The following KIAA0825 variants were observed in gnomAD, a reference collection of about 807,000 sequenced individuals.
KIAA0825 encodes the protein KIAA0825.
In KIAA0825, 119 loss-of-function variants were observed where a neutral mutation model predicts 147.6. The ratio of observed to expected loss-of-function variants is 0.81; its 90% CI spans 0.69 to 0.94. The LOEUF (loss-of-function observed/expected upper bound fraction) is 0.94, where lower values mean the gene tolerates loss of function less well. KIAA0825 is among the 40% of genes least tolerant of loss of function. KIAA0825 has a pLI of 0.00. For missense variants in KIAA0825, 1,381 were observed against 1,472.7 expected (o/e 0.94, Z 1.02); for synonymous variants, 470 against 518.1 (o/e 0.91, Z 1.26).
intron 20 of KIAA0825, among the ~76,000 whole-genome samples, chr5:94,310,052 T>C (rs1779020980): frequency 6.6e-6 from 1 of 151,782 alleles, no homozygotes; most frequent in Non-Finnish European, 1.5e-5. Flanking sequence ...ATTGTAAGGA[T>C]CTTTTTAATT....
chr5:94,338,488 T>C (rs1187838330), intron 20 of KIAA0825, among the ~76,000 whole-genome samples: 1 of 152,154 alleles, frequency 6.6e-6, no homozygotes, highest in Non-Finnish European at 1.5e-5. Context: ...CACATAATGG[T>C]ATTTCAGTCA....
rs1401165789 is a variant in KIAA0825, at chr5:94,453,055, C to T, written c.2261G>A (p.Gly754Asp). The change falls in exon 13 of 21, where the codon GGC (glycine) becomes GAC (aspartate). Residue 754 changes from glycine (G) to aspartate (D), a missense_variant. Gly to Asp is a moderately conservative substitution (Grantham distance 94, BLOSUM62 -1). Transcript: ENST00000682413. Reference protein sequence around the residue: ...LTELYKTFQHGLDESASDSLK... With the variant: ...LTELYKTFQHDLDESASDSLK... Reference sequence around the variant, plus strand: ...GGAATCTGAAGCAGACTCATCCAGGCCATGCTGAAAAGTCCTAGGGAAATA... The same window carrying T: ...GGAATCTGAAGCAGACTCATCCAGGTCATGCTGAAAAGTCCTAGGGAAATA... The T allele has an allele frequency of 2.6e-6, 4 of 1,516,104 alleles. No individual in the cohort carries two copies. The highest frequency in any genetic ancestry group is 3.5e-6 in the Non-Finnish European group (4 of 1,132,328). The allele number at this position is 1,516,104 out of a possible 1,614,324, so 93.9% of individuals were successfully genotyped here. A position where few individuals can be genotyped will look rare whatever the true frequency, so the allele number is the denominator to read the frequency against.
chr5:94,402,850 C>T (rs1457766338), intron 16 of KIAA0825, among the ~76,000 whole-genome samples: 2 of 150,922 alleles, frequency 1.3e-5, no homozygotes, highest in African/African-American at 2.5e-5. Flanking sequence ...AAAAGATTCA[C>T]GAATACAGGT....
In KIAA0825 at chr5:94,229,736, A is replaced by G. The variant is rs1013992082; in HGVS notation, c.3711-75612T>C. 1.6e-4 allele frequency among the ~76,000 whole-genome samples: 24 copies of G among 152,040 alleles called. No individual in the cohort carries two copies. The East Asian group carries it at 4.4e-3, about 28-fold the overall frequency. On this transcript the variant is annotated intron_variant, in intron 20 of 20. Transcript: ENST00000682413. Reference sequence around the variant, plus strand: ...ATATTTTAATTTCTTGTTTTCTTATAGGTCATTTTTTATTAGTGCCTTGTT... The same window carrying G: ...ATATTTTAATTTCTTGTTTTCTTATGGGTCATTTTTTATTAGTGCCTTGTT...
At chr5:94,593,931 T>G (rs1301101232) in intron 1 of KIAA0825, 1 of 444,332 alleles carries the variant, frequency 2.3e-6, no homozygotes. Context: ...ATTGAAGCAG[T>G]TTTACCACAG....
chr5:94,555,774 T>C (rs1776419163), intron 2 of KIAA0825, among the ~76,000 whole-genome samples: 1 of 152,182 alleles, frequency 6.6e-6, no homozygotes, highest in African/African-American at 2.4e-5. Flanking sequence ...ACCAAGATAA[T>C]ATAAATTTTA....
At chr5:94,571,942 G>T (rs1446556596) in intron 2 of KIAA0825, among the ~76,000 whole-genome samples, 1 of 152,058 alleles carries the variant, frequency 6.6e-6, no homozygotes, top group African/African-American at 2.4e-5. Flanking sequence ...CCTTTTTAGT[G>T]GCCGGGCACA....
At position 94,461,423 on chromosome 5, in the gene KIAA0825, G is replaced by A. The variant is rs1016312513; in HGVS notation, c.2246+964C>T. ...TGGGCTTCAGACTTGAGCTTTTTAC[G>A]ATTATGAACGATTATGTACATAGTA... On this transcript the variant is annotated intron_variant, in intron 12 of 20. Coordinates refer to ENST00000682413, the MANE Select transcript of KIAA0825 (RefSeq NM_001145678.3). Among the ~76,000 whole-genome samples, 9 of 151,898 alleles carry A rather than the reference G, an allele frequency of 5.9e-5. No homozygotes were observed. The South Asian group carries it at 8.3e-4, about 14-fold the overall frequency.
At chr5:94,383,058 T>C (rs1748632856) in intron 20 of KIAA0825, among the ~76,000 whole-genome samples, 1 of 152,222 alleles carries the variant, frequency 6.6e-6, no homozygotes, top group Non-Finnish European at 1.5e-5. Context: ...GGCCCTGGCC[T>C]CTCCTCCACC....
chr5:94,202,705 C>T (rs980762407), intron 20 of KIAA0825, among the ~76,000 whole-genome samples: 1 of 152,168 alleles, frequency 6.6e-6, no homozygotes, highest in African/African-American at 2.4e-5. Flanking sequence ...GGGAAAGAGC[C>T]TCATCCCTAT....
At chr5:94,196,551 G>C (rs569520119) in intron 20 of KIAA0825, among the ~76,000 whole-genome samples, 3 of 151,814 alleles carry the variant, frequency 2.0e-5, no homozygotes, top group African/African-American at 7.3e-5. Flanking sequence ...TTGATGTACA[G>C]ATTATTTTAT....
intron 20 of KIAA0825, among the ~76,000 whole-genome samples, chr5:94,290,410 T>G (rs770765008): frequency 3.6e-4 from 55 of 152,176 alleles, no homozygotes; most frequent in Non-Finnish European, 6.8e-4. Context: ...CTGTGTTAGT[T>G]TGCTGAGAAT....
intron 20 of KIAA0825, among the ~76,000 whole-genome samples, chr5:94,169,304 G>C (rs1768361963): frequency 6.6e-6 from 1 of 152,186 alleles, no homozygotes; most frequent in African/African-American, 2.4e-5. Flanking sequence ...AAAACTGGCA[G>C]GGTGCAATGG....
At chr5:94,617,612 G>T (rs1790897995) in intron 1 of KIAA0825, among the ~76,000 whole-genome samples, 2 of 152,130 alleles carry the variant, frequency 1.3e-5, no homozygotes, top group African/African-American at 4.8e-5. Flanking sequence ...CTTTTACGGG[G>T]GTTGGTGGGG....
chr5:94,463,574 CACACAT>C (rs1444724986), intron 11 of KIAA0825, among the ~76,000 whole-genome samples: 2 of 151,088 alleles, frequency 1.3e-5, no homozygotes, highest in Non-Finnish European at 3.0e-5. Context: ...TATGGAGAGA[CACACAT>C]ACACAATCTG....
intron 5 of KIAA0825, 160 bp downstream of exon 5, chr5:94,520,087 AG>A: frequency 8.7e-7 from 1 of 1,153,352 alleles, no homozygotes; most frequent in Non-Finnish European, 1.1e-6. Flanking sequence ...CTACAATTAT[AG>A]AAAAAAATGC....
chr5:94,593,861 C>T (rs748008459), intron 1 of KIAA0825: 6 of 368,006 alleles, frequency 1.6e-5, no homozygotes, highest in Non-Finnish European at 3.3e-5. Context: ...GATGTCCATT[C>T]TGGCCTCTGC....
chr5:94,159,691 C>T (rs1271686000), intron 20 of KIAA0825, among the ~76,000 whole-genome samples: 3 of 152,048 alleles, frequency 2.0e-5, no homozygotes, highest in Non-Finnish European at 4.4e-5. Context: ...CTACTCTGTT[C>T]ACCCTAGCAT....
At chr5:94,440,901 G>A (rs895232692) in intron 13 of KIAA0825, among the ~76,000 whole-genome samples, 4 of 151,944 alleles carry the variant, frequency 2.6e-5, no homozygotes, top group African/African-American at 9.7e-5. Context: ...TGCAAAATGG[G>A]AAATCAACTT....
Sources: allele counts gnomAD v4.1 joint callset (sites outside exome capture counted in the v4.1 genomes callset), GRCh38; gene constraint gnomAD v4.1.1; transcripts MANE v1.5; gene names NCBI Gene and HGNC (gene_info 2026-07-23, HGNC 2026-07-21).